The following PLCB1 variants were observed in gnomAD, a reference collection of about 807,000 sequenced individuals.
PLCB1 encodes the protein phospholipase C beta 1.
In PLCB1, 46 loss-of-function variants were observed where a neutral mutation model predicts 161.8. The ratio of observed to expected loss-of-function variants is 0.28; its 90% CI spans 0.22 to 0.36. PLCB1 has a LOEUF of 0.36. Ranked by LOEUF, PLCB1 falls within the 10% of genes least tolerant of loss-of-function variation. The pLI is 1.00. For synonymous variants in PLCB1, 517 were observed against 503.7 expected, an observed-to-expected ratio of 1.03 and a Z score of -0.35; for missense variants, 1,016 against 1,472.5, an observed-to-expected ratio of 0.69 and a Z score of 5.07.
At chr20:8,529,872 A>C (rs1032711553) in intron 3 of PLCB1, among the ~76,000 whole-genome samples, 1 of 152,110 alleles carries the variant, frequency 6.6e-6, no homozygotes, top group African/African-American at 2.4e-5. Flanking sequence ...TAACTCTTGG[A>C]GTATAACAAG....
intron 3 of PLCB1, among the ~76,000 whole-genome samples, chr20:8,461,959 G>A (rs571120596): frequency 1.3e-5 from 2 of 151,990 alleles, no homozygotes; most frequent in East Asian, 1.9e-4. Flanking sequence ...CTTGTTTAAA[G>A]TTATATAATG....
At chr20:8,738,772 C>T (rs750910331) in intron 20 of PLCB1, among the ~76,000 whole-genome samples, 54 of 152,154 alleles carry the variant, frequency 3.5e-4, no homozygotes, top group Admixed American at 7.9e-4. Flanking sequence ...CAACCCATGT[C>T]TTCTCCTCTG....
chr20:8,744,660 A>AAAAT (rs1568582262), intron 23 of PLCB1, among the ~76,000 whole-genome samples: 4 of 126,156 alleles, frequency 3.2e-5, no homozygotes, highest in African/African-American at 1.1e-4. Context: ...TAAAATAAAA[A>AAAAT]AATAAAATTG....
chr20:8,373,267 G>T (rs189100230), intron 3 of PLCB1, among the ~76,000 whole-genome samples: 165 of 151,660 alleles, frequency 1.1e-3, no homozygotes, highest in Non-Finnish European at 1.8e-3. Context: ...CCTATTTATT[G>T]CTGATGTTCA....
chr20:8,260,677 T>TG (rs1981643716), intron 2 of PLCB1, among the ~76,000 whole-genome samples: 1 of 152,064 alleles, frequency 6.6e-6, no homozygotes, highest in African/African-American at 2.4e-5. Context: ...AAAGAGGGAA[T>TG]AAACAATGAG....
chr20:8,477,069 T>C (rs1485759284), intron 3 of PLCB1, among the ~76,000 whole-genome samples: 1 of 152,182 alleles, frequency 6.6e-6, no homozygotes, highest in Non-Finnish European at 1.5e-5. Flanking sequence ...AGTACAGACA[T>C]TTAAGATCCA....
chr20:8,571,342 C>T (rs763215774), intron 3 of PLCB1, among the ~76,000 whole-genome samples: 11 of 151,932 alleles, frequency 7.2e-5, no homozygotes, highest in African/African-American at 1.7e-4. Context: ...ATTAGATGGG[C>T]GTGGTGCCAC....
At chr20:8,559,859 C>G (rs776009306) in intron 3 of PLCB1, among the ~76,000 whole-genome samples, 3 of 151,980 alleles carry the variant, frequency 2.0e-5, no homozygotes, top group Non-Finnish European at 4.4e-5. Flanking sequence ...TAATTTACCT[C>G]TCTGAGTTTC....
intron 25 of PLCB1, among the ~76,000 whole-genome samples, chr20:8,761,513 A>G (rs1033280482): frequency 6.6e-6 from 1 of 152,136 alleles, no homozygotes; most frequent in South Asian, 2.1e-4. Flanking sequence ...AAAACAAAAC[A>G]TGGTTTGGTT....
At chr20:8,450,409 T>G (rs532065980) in intron 3 of PLCB1, among the ~76,000 whole-genome samples, 1 of 152,226 alleles carries the variant, frequency 6.6e-6, no homozygotes, top group Non-Finnish European at 1.5e-5. Context: ...TCTCTGAAAT[T>G]AGTGAATAGG....
intron 31 of PLCB1, among the ~76,000 whole-genome samples, chr20:8,806,364 C>T (rs1265402110): frequency 1.3e-5 from 2 of 152,082 alleles, no homozygotes; most frequent in Non-Finnish European, 2.9e-5. Context: ...AGTCAACCTT[C>T]CCTGTCTATG....
At chr20:8,161,488 T>G (rs1331127309) in intron 2 of PLCB1, among the ~76,000 whole-genome samples, 2 of 152,238 alleles carry the variant, frequency 1.3e-5, no homozygotes, top group African/African-American at 4.8e-5. Context: ...GAAACAACAG[T>G]GGCAGTGCAG....
intron 31 of PLCB1, among the ~76,000 whole-genome samples, chr20:8,815,811 T>G (rs537712610): frequency 6.6e-6 from 1 of 152,366 alleles, no homozygotes; most frequent in Non-Finnish European, 1.5e-5. Flanking sequence ...AGGGGCTAGA[T>G]GTAGTGTTTA....
chr20:8,725,605 A>G (rs1359640815), intron 16 of PLCB1, among the ~76,000 whole-genome samples: 2 of 152,182 alleles, frequency 1.3e-5, no homozygotes, highest in East Asian at 3.8e-4. Context: ...CAAAGAATTC[A>G]ACTTCCAAGA....
chr20:8,861,554 A>AC (rs1987254035), intron 31 of PLCB1, among the ~76,000 whole-genome samples: 1 of 152,110 alleles, frequency 6.6e-6, no homozygotes, highest in South Asian at 2.1e-4. Flanking sequence ...ACATGGTGAA[A>AC]CCCCGTCTCT....
chr20:8,753,400 CT>C (rs1480185648), intron 23 of PLCB1, among the ~76,000 whole-genome samples: 16 of 152,142 alleles, frequency 1.1e-4, no homozygotes, highest in Admixed American at 6.5e-5. Flanking sequence ...ACTGACTTAA[CT>C]TGTATATAAC....
At chr20:8,733,064 T>C (rs1980357550) in intron 18 of PLCB1, among the ~76,000 whole-genome samples, 174 bp from the exon 19 acceptor site, 1 of 152,140 alleles carries the variant, frequency 6.6e-6, no homozygotes, top group African/African-American at 2.4e-5. Context: ...ATTTCTGGAC[T>C]TGGGGATTAG....
chr20:8,733,795 TAATAATAATAA>T (rs1173400132), intron 19 of PLCB1, among the ~76,000 whole-genome samples: 1 of 82,118 alleles, frequency 1.2e-5, no homozygotes, highest in Non-Finnish European at 3.1e-5. Context: ...ATAATAATAA[TAATAATAATAA>T]TAATAATAAT....
rs560731286 is a variant in PLCB1, at chr20:8,790,124, G to A, written c.3337-51G>A. 47 of 1,275,324 alleles carry A rather than the reference G, an allele frequency of 3.7e-5. No homozygotes were observed. In the African/African-American group the frequency reaches 6.4e-4, roughly 17 times the overall value. The allele number at this position is 1,275,324 out of a possible 1,614,324, so 79.0% of individuals were successfully genotyped here. A position where few individuals can be genotyped will look rare whatever the true frequency, so the allele number is the denominator to read the frequency against. On this transcript the variant is annotated intron_variant, in intron 30 of 31. Coordinates refer to ENST00000338037, the MANE Select transcript of PLCB1 (RefSeq NM_015192.4). Reference sequence around the variant, plus strand: ...AGCTTTCGGTATTTTCTGAAAACGTGCACTTTTAAATGTTTAGATGAAAGT... The same window carrying A: ...AGCTTTCGGTATTTTCTGAAAACGTACACTTTTAAATGTTTAGATGAAAGT...
Sources: gnomAD v4.1 joint callset for allele counts (sites outside exome capture counted in the v4.1 genomes callset) on GRCh38, gnomAD v4.1.1 for gene constraint, MANE v1.5 for transcripts, NCBI Gene and HGNC (gene_info 2026-07-23, HGNC 2026-07-21) for gene names.